The following COG4 variants were observed in gnomAD, a reference collection of about 807,000 sequenced individuals.
The protein encoded by COG4 is conserved oligomeric Golgi complex subunit 4.
A neutral mutation model predicts 95.1 loss-of-function variants in COG4; 65 were observed. That is an observed-to-expected ratio of 0.68 (90% CI 0.56 to 0.84). The LOEUF (loss-of-function observed/expected upper bound fraction) is 0.84. COG4 is among the 40% of genes least tolerant of loss of function. The pLI, the probability that COG4 is intolerant of heterozygous loss-of-function variation, is 0.00. For missense variants in COG4, 1,045 were observed against 989.1 expected (o/e 1.06, Z -0.76); for synonymous variants, 421 against 374.8 (o/e 1.12, Z -1.42).
intron 4 of COG4, among the ~76,000 whole-genome samples, 161 bp downstream of exon 4, chr16:70,514,174 C>T (rs991981523): frequency 6.6e-6 from 1 of 151,946 alleles, no homozygotes; most frequent in Non-Finnish European, 1.5e-5. Context: ...GGCACCACTG[C>T]ACCCTATCCT....
chr16:70,506,105 A>T (rs2049560534), intron 8 of COG4, among the ~76,000 whole-genome samples: 7 of 149,308 alleles, frequency 4.7e-5, no homozygotes, highest in Admixed American at 4.7e-4. Flanking sequence ...AAATGGCAAA[A>T]CCTCATCTCA....
chr16:70,522,284 C>T (rs557676696), intron 1 of COG4, among the ~76,000 whole-genome samples: 1 of 152,234 alleles, frequency 6.6e-6, no homozygotes, highest in South Asian at 2.1e-4. Context: ...CGTGAGCCAC[C>T]GCGCCCCGCA....
intron 11 of COG4, 49 bp from the exon 12 acceptor site, chr16:70,496,480 C>T: frequency 1.3e-6 from 2 of 1,598,470 alleles, no homozygotes; most frequent in Non-Finnish European, 1.7e-6. Flanking sequence ...AACTTGGCCA[C>T]CAGGACAGAA....
chr16:70,509,901 G>A lies in COG4; in HGVS notation c.844+15C>T. The A allele has an allele frequency of 6.3e-7, 1 of 1,599,844 alleles. No individual in the cohort carries two copies. The highest frequency in any genetic ancestry group is 8.6e-7 in the Non-Finnish European group (1 of 1,167,052). ...TACAGTCTCCAGTCTCTCTAGAGCG[G>A]AGAAAGAGGCTCACCTTCAAACAGA... is the stretch of plus-strand genomic sequence containing the variant. On this transcript the variant is annotated intron_variant, in intron 6 of 18. Transcript: ENST00000323786.
chr16:70,518,431 T>C (rs2049869518), intron 2 of COG4, among the ~76,000 whole-genome samples: 1 of 152,040 alleles, frequency 6.6e-6, no homozygotes, highest in Non-Finnish European at 1.5e-5. Flanking sequence ...CGATCATAGC[T>C]CACTGCAGTT....
rs2049341062 is a variant in COG4, at chr16:70,496,427, C to T, written c.1486G>A (p.Val496Ile). The T allele has an allele frequency of 6.2e-7, 1 of 1,614,150 alleles. No individual in the cohort carries two copies. Among genetic ancestry groups the T allele is most frequent in the Non-Finnish European group, 8.5e-7 (1 of 1,180,026 alleles). The change falls in exon 12 of 19, where the codon GTT (valine) becomes ATT (isoleucine). Residue 496 changes from valine (V) to isoleucine (I), a missense_variant. Physicochemically the swap from Val to Ile is conservative, Grantham distance 29 (BLOSUM62 3). Coordinates refer to ENST00000323786, the MANE Select transcript of COG4 (RefSeq NM_015386.3). ...CCCATCCGCAGCTTATTACACAGAA[C>T]ATCCCTGGGGGGCAGGATTGCATAG... ...TTELESDFRD[V>I]LCNKLRMGFP...
In COG4 at chr16:70,482,077, A is replaced by G; in HGVS notation, c.2004+15T>C. On this transcript the variant is annotated intron_variant, in intron 16 of 18. Coordinates refer to ENST00000323786, the MANE Select transcript of COG4 (RefSeq NM_015386.3). The stretch of plus-strand genomic sequence containing the variant: ...TGGGTAATTCCCTAAGTGGATCCCT[A>G]GGGCCCCTGCTCACCTTGAACTCTG... 2 of 1,605,386 alleles carry G rather than the reference A, an allele frequency of 1.2e-6. No individual in the cohort carries two copies. Among genetic ancestry groups the G allele is most frequent in the East Asian group, 2.2e-5 (1 of 44,836 alleles).
At chr16:70,501,438 C>T (rs2049447734) in intron 8 of COG4, 1 of 294,540 alleles carries the variant, frequency 3.4e-6, no homozygotes, top group Non-Finnish European at 6.7e-6. Context: ...CCTGCAAGCT[C>T]CGCCTCCTGG....
At chr16:70,494,923 A>T (rs2049309057) in intron 12 of COG4, among the ~76,000 whole-genome samples, 1 of 152,124 alleles carries the variant, frequency 6.6e-6, no homozygotes, top group African/African-American at 2.4e-5. Flanking sequence ...CACAGGGCAA[A>T]TATTTTCTAT....
chr16:70,481,214 A>C, intron 18 of COG4, 70 bp from the exon 19 acceptor site: 1 of 1,607,898 alleles, frequency 6.2e-7, no homozygotes. Flanking sequence ...GGCCTCTACC[A>C]GGGGCAGAGC....
At chr16:70,495,788 T>G (rs1410227922) in intron 12 of COG4, among the ~76,000 whole-genome samples, 1 of 152,240 alleles carries the variant, frequency 6.6e-6, no homozygotes, top group Non-Finnish European at 1.5e-5. Context: ...TCATTCTGGG[T>G]AGCAAAGGGC....
intron 3 of COG4, among the ~76,000 whole-genome samples, chr16:70,515,712 A>C (rs7206163): frequency 0.12 from 18,031 of 151,808 alleles, 3,567 homozygotes; most frequent in African/African-American, 0.41. Context: ...ATCAATAAAT[A>C]AATAAAACAT....
chr16:70,489,516 C>G (rs1455153863), intron 13 of COG4, among the ~76,000 whole-genome samples: 2 of 149,528 alleles, frequency 1.3e-5, no homozygotes, highest in African/African-American at 4.9e-5. Flanking sequence ...CTCACCTGGC[C>G]TTGATCCTGA....
At chr16:70,508,850 C>G in intron 7 of COG4, 1 of 534,034 alleles carries the variant, frequency 1.9e-6, no homozygotes, top group South Asian at 1.5e-5. Context: ...TTATCTTTAA[C>G]ATCTTAGGAA....
chr16:70,511,091 A>T (rs2049694185), intron 5 of COG4, among the ~76,000 whole-genome samples: 1 of 152,180 alleles, frequency 6.6e-6, no homozygotes, highest in African/African-American at 2.4e-5. Flanking sequence ...TTAACTTTTT[A>T]GAATGAGTAA....
chr16:70,497,691 G>C (rs938114090), intron 10 of COG4, among the ~76,000 whole-genome samples: 1 of 152,132 alleles, frequency 6.6e-6, no homozygotes, highest in South Asian at 2.1e-4. Flanking sequence ...GGGAACAAGT[G>C]GGCTCCCTGA....
intron 14 of COG4, among the ~76,000 whole-genome samples, chr16:70,483,471 G>A (rs1372478774): frequency 6.6e-6 from 1 of 151,672 alleles, no homozygotes; most frequent in Non-Finnish European, 1.5e-5. Flanking sequence ...CAGGTCCAGG[G>A]TAACGATGAG....
chr16:70,481,664 G>C (rs1353444659), intron 17 of COG4, 100 bp downstream of exon 17: 53 of 1,344,000 alleles, frequency 3.9e-5, no homozygotes, highest in Non-Finnish European at 5.2e-5. Flanking sequence ...AGGGCCTGTG[G>C]GCAGCAGACA....
In COG4 at chr16:70,490,349, G is replaced by A. The variant is rs2049219274; in HGVS notation, c.1691C>T (p.Thr564Ile). 1 of 1,613,748 alleles carries A rather than the reference G, an allele frequency of 6.2e-7. No individual in the cohort carries two copies. The highest frequency in any genetic ancestry group is 1.3e-5 in the African/African-American group (1 of 74,932). The change falls in exon 13 of 19, where the codon ACT becomes ATT. Residue 564 changes from threonine to isoleucine, a missense_variant. By Grantham distance (89) the Thr-to-Ile change is moderately conservative. Transcript: ENST00000323786. ...TCGTACCTCCAGTGTCTTCTTCAGA[G>A]TGGAGATGTTTTCACTGCAGACTTC... ...NVEVCSENIS[T>I]LKKTLESDCT...
Sources: gnomAD v4.1 joint callset for allele counts (sites outside exome capture counted in the v4.1 genomes callset) on GRCh38, gnomAD v4.1.1 for gene constraint, MANE v1.5 for transcripts, NCBI Gene and HGNC (gene_info 2026-07-23, HGNC 2026-07-21) for gene names.